The following FGGY variants were observed in gnomAD, a reference collection of about 807,000 sequenced individuals.
FGGY encodes FGGY carbohydrate kinase domain-containing protein.
In FGGY, 72 loss-of-function variants were observed where a neutral mutation model predicts 71.3. That is an observed-to-expected ratio of 1.01 (90% CI 0.84 to 1.23). The LOEUF is 1.23. FGGY is among the 50% of genes most tolerant of loss of function. FGGY has a pLI of 0.00. For missense variants in FGGY, 668 were observed against 682.3 expected, an observed-to-expected ratio of 0.98 and a Z score of 0.23; for synonymous variants, 251 against 250.3, an observed-to-expected ratio of 1.00 and a Z score of -0.02.
At chr1:59,396,742 C>G (rs2061373314) in intron 5 of FGGY, among the ~76,000 whole-genome samples, 1 of 152,166 alleles carries the variant, frequency 6.6e-6, no homozygotes, top group Non-Finnish European at 1.5e-5. Flanking sequence ...GTTCCCTCAT[C>G]TTTAAAATGG....
intron 1 of FGGY, among the ~76,000 whole-genome samples, chr1:59,321,224 T>C (rs2046324724): frequency 6.6e-6 from 1 of 151,886 alleles, no homozygotes; most frequent in Non-Finnish European, 1.5e-5. Flanking sequence ...GATTCTAAGT[T>C]CTCCTACCAC....
chr1:59,538,860 G>C (rs1417585778), intron 7 of FGGY, among the ~76,000 whole-genome samples: 6 of 115,662 alleles, frequency 5.2e-5, no homozygotes, highest in African/African-American at 1.9e-4. Flanking sequence ...TGGGGGGAGG[G>C]GGGAGGGATA....
At chr1:59,474,637 C>T (rs1572639543) in intron 6 of FGGY, among the ~76,000 whole-genome samples, 1 of 152,188 alleles carries the variant, frequency 6.6e-6, no homozygotes, top group African/African-American at 2.4e-5. Context: ...TAAATTTACC[C>T]AATCCATTGT....
At chr1:59,537,907 T>G (rs1321445646) in intron 7 of FGGY, among the ~76,000 whole-genome samples, 1 of 152,182 alleles carries the variant, frequency 6.6e-6, no homozygotes, top group African/African-American at 2.4e-5. Flanking sequence ...GAGGAAAACC[T>G]AGGCATTACC....
chr1:59,356,408 T>A (rs569899977), intron 4 of FGGY, among the ~76,000 whole-genome samples: 1 of 152,168 alleles, frequency 6.6e-6, no homozygotes, highest in Non-Finnish European at 1.5e-5. Context: ...GGAAAACTTA[T>A]AATAATAGTT....
chr1:59,457,120 G>A (rs1360261306), intron 6 of FGGY, 44 bp downstream of exon 6: 1 of 1,342,520 alleles, frequency 7.4e-7, no homozygotes, highest in Non-Finnish European at 1.1e-6. Context: ...TGCATTGGAG[G>A]ATCTTGATGG....
At chr1:59,621,466 A>G (rs1029665746) in intron 9 of FGGY, among the ~76,000 whole-genome samples, 2 of 148,620 alleles carry the variant, frequency 1.3e-5, no homozygotes, top group African/African-American at 5.1e-5. Context: ...TCTCAAAAAA[A>G]AAAAAAAAAA....
chr1:59,415,732 T>C (rs2064284712), intron 5 of FGGY, among the ~76,000 whole-genome samples: 2 of 152,182 alleles, frequency 1.3e-5, no homozygotes, highest in African/African-American at 4.8e-5. Flanking sequence ...TGAATTTTAT[T>C]CATCTCCAGG....
intron 8 of FGGY, among the ~76,000 whole-genome samples, chr1:59,579,903 C>T (rs1438262373): frequency 6.6e-6 from 1 of 152,194 alleles, no homozygotes; most frequent in Non-Finnish European, 1.5e-5. Context: ...TTTCAGCTCT[C>T]ATCTTCTGTC....
chr1:59,413,108 A>G (rs1190148300), intron 5 of FGGY, among the ~76,000 whole-genome samples: 7 of 152,208 alleles, frequency 4.6e-5, no homozygotes, highest in Non-Finnish European at 7.4e-5. Flanking sequence ...GCAGATTTCT[A>G]TCCTTAGCTC....
In FGGY at chr1:59,762,526, T is replaced by C. The variant is rs768243508; in HGVS notation, c.1598T>C (p.Val533Ala). The C allele has an allele frequency of 9.3e-6, 15 of 1,613,696 alleles. 1 individual carries two copies. The highest frequency in any genetic ancestry group is 1.2e-5 in the Non-Finnish European group (14 of 1,179,748). ...DKKYYDKKYQ[V>A]FLKLVEHQKE... ...AGATACTATGATAAGAAATACCAAG[T>C]ATTCCTGAAGCTGGTTGAACACCAG... is the stretch of plus-strand genomic sequence containing the variant. Residue 533 changes from valine (V) to alanine (A), a missense_variant, in exon 16 of 16, where the codon GTA (valine) becomes GCA (alanine). Val to Ala is a moderately conservative substitution (Grantham distance 64, BLOSUM62 0). Transcript: ENST00000303721.
intron 6 of FGGY, among the ~76,000 whole-genome samples, chr1:59,467,525 CT>C (rs1338849927): frequency 6.6e-6 from 1 of 151,764 alleles, no homozygotes; most frequent in Non-Finnish European, 1.5e-5. Context: ...ACCTATTATA[CT>C]TTTCCCTTCT....
At chr1:59,379,266 A>G (rs2059086727) in intron 5 of FGGY, among the ~76,000 whole-genome samples, 3 of 152,052 alleles carry the variant, frequency 2.0e-5, no homozygotes, top group Admixed American at 6.6e-5. Context: ...ATTGTTGCAA[A>G]CATCATAGAG....
At chr1:59,550,846 G>T (rs1193566305) in intron 7 of FGGY, among the ~76,000 whole-genome samples, 1 of 152,188 alleles carries the variant, frequency 6.6e-6, no homozygotes, top group Non-Finnish European at 1.5e-5. Context: ...ACAGAACAAG[G>T]TCAAATCCTG....
At chr1:59,573,989 A>G (rs1158115494) in intron 8 of FGGY, among the ~76,000 whole-genome samples, 1 of 152,188 alleles carries the variant, frequency 6.6e-6, no homozygotes, top group East Asian at 1.9e-4. Flanking sequence ...TCTGTACTAT[A>G]TTATCTGTGT....
intron 14 of FGGY, among the ~76,000 whole-genome samples, chr1:59,751,076 C>T (rs1161546661): frequency 6.6e-6 from 1 of 152,192 alleles, no homozygotes. Flanking sequence ...AATGGTACCA[C>T]TGAGTCCGAA....
intron 7 of FGGY, among the ~76,000 whole-genome samples, chr1:59,532,481 A>G (rs1403349494): frequency 6.6e-6 from 1 of 152,208 alleles, no homozygotes; most frequent in Non-Finnish European, 1.5e-5. Flanking sequence ...AGTTTTTCAA[A>G]ACTTATAAAA....
chr1:59,316,663 T>C (rs1482003213), intron 1 of FGGY, among the ~76,000 whole-genome samples: 1 of 152,198 alleles, frequency 6.6e-6, no homozygotes, highest in East Asian at 1.9e-4. Context: ...TGTATAAATA[T>C]TTATACAGAA....
intron 9 of FGGY, among the ~76,000 whole-genome samples, chr1:59,619,633 A>C (rs1301192633): frequency 1.3e-5 from 2 of 152,078 alleles, no homozygotes; most frequent in Non-Finnish European, 2.9e-5. Context: ...AGTGAACCAA[A>C]ATGACAGTTG....
Sources: gnomAD v4.1 joint callset for allele counts (sites outside exome capture counted in the v4.1 genomes callset) on GRCh38, gnomAD v4.1.1 for gene constraint, MANE v1.5 for transcripts, NCBI Gene and HGNC (gene_info 2026-07-23, HGNC 2026-07-21) for gene names.